TTC34: variants seen among roughly 807,000 people sequenced by gnomAD.
TTC34 encodes the protein tetratricopeptide repeat protein 34.
A neutral mutation model predicts 40.7 loss-of-function variants in TTC34; 44 were observed. The observed-to-expected ratio is 1.08, with a 90% CI of 0.85 to 1.39. The LOEUF (loss-of-function observed/expected upper bound fraction) is 1.39, where lower values mean the gene tolerates loss of function less well. Ranked by LOEUF, TTC34 falls within the 40% of genes most tolerant of loss-of-function variation. The probability of loss-of-function intolerance (pLI) is 0.00; values close to 1 mark genes in which losing one functional copy is unlikely to be tolerated. For synonymous variants in TTC34, 422 were observed against 398.6 expected (o/e 1.06, Z -0.70); for missense variants, 884 against 838.0 (o/e 1.05, Z -0.68).
chr1:2,785,973 G>A, exon 5 of TTC34: 1 of 1,508,714 alleles, frequency 6.6e-7, no homozygotes, highest in Non-Finnish European at 8.9e-7. Flanking sequence ...AGACGTCCAG[G>A]GTGGGCTGGA....
At position 2,645,343 on chromosome 1, in the gene TTC34, G is replaced by C; in HGVS notation, c.2447C>G (p.Ser816Ter). 2 of 1,526,724 alleles carry C rather than the reference G, an allele frequency of 1.3e-6. No individual in the cohort carries two copies. The highest frequency in any genetic ancestry group is 1.8e-6 in the Non-Finnish European group (2 of 1,140,684). The allele number at this position is 1,526,724 out of a possible 1,614,324, so 94.6% of individuals were successfully genotyped here. A position where few individuals can be genotyped will look rare whatever the true frequency, so the allele number is the denominator to read the frequency against. The change falls in exon 7 of 9, where the codon TCA becomes TGA. Residue 816 changes from serine to a stop codon, truncating the protein, a stop_gained. Coordinates refer to ENST00000401095, the Ensembl canonical transcript of TTC34. LOFTEE classifies it high-confidence loss of function. The surrounding 1 kb of genome is among the most constrained non-coding windows in gnomAD (Gnocchi z 4.7). ...GAGGAGGTGCCAGTGCGGTTGCCCT[G>C]AGTCGATTTTGATCAGCGCCTCCCC... is the stretch of plus-strand genomic sequence containing the variant.
In TTC34 at chr1:2,644,244, C is replaced by A; in HGVS notation, c.2712+20G>T. On this transcript the variant is annotated intron_variant, in intron 8 of 8. Coordinates refer to ENST00000401095, the Ensembl canonical transcript of TTC34. ...GCTGGGGAAGGTTGGGGTGGGAGAT[C>A]TGTGGGGTTCTTTGGGCACCTGGGC... is the stretch of plus-strand genomic sequence containing the variant. 2 of 1,526,664 alleles carry A rather than the reference C, an allele frequency of 1.3e-6. No homozygotes were observed. The highest frequency in any genetic ancestry group is 1.8e-6 in the Non-Finnish European group (2 of 1,140,470). The allele number at this position is 1,526,664 out of a possible 1,614,324, so 94.6% of individuals were successfully genotyped here.
intron 6 of TTC34, among the ~76,000 whole-genome samples, chr1:2,654,955 C>G (rs1639289030): frequency 3.3e-5 from 5 of 151,600 alleles, no homozygotes; most frequent in African/African-American, 1.2e-4. Context: ...ATCTGACAGC[C>G]TGGAACAGCA....
intron 4 of TTC34, among the ~76,000 whole-genome samples, chr1:2,786,493 G>T (rs748801623): frequency 1.3e-5 from 2 of 152,320 alleles, no homozygotes; most frequent in East Asian, 3.9e-4. Context: ...GCTCTGGGCT[G>T]CAGTCTGAGC....
In TTC34 at chr1:2,790,268, C is replaced by A. The variant is rs1643648537; in HGVS notation, c.863G>T (p.Trp288Leu). 3 of 398,336 alleles carry A rather than the reference C, an allele frequency of 7.5e-6. No individual in the cohort carries two copies. In the Admixed American group the frequency reaches 1.3e-4, roughly 18 times the overall value. 24.7% of individuals were successfully genotyped at this position (398,336 alleles called of 1,614,324 possible). A position where few individuals can be genotyped will look rare whatever the true frequency, so the allele number is the denominator to read the frequency against. Residue 288 changes from tryptophan (W) to leucine (L), a missense_variant, in exon 3 of 9, where the codon TGG (tryptophan) becomes TTG (leucine). By Grantham distance (61) the Trp-to-Leu change is moderately conservative (BLOSUM62 -2). Coordinates refer to ENST00000401095, the Ensembl canonical transcript of TTC34. The stretch of plus-strand genomic sequence containing the variant: ...CTCGCGGAAGGCCTCCTGCAGGTTC[C>A]AAAACACGTCCTGGGCCCGGCCGTC...
intron 6 of TTC34, among the ~76,000 whole-genome samples, chr1:2,651,787 C>T (rs780563824): frequency 3.9e-5 from 6 of 151,956 alleles, no homozygotes; most frequent in African/African-American, 9.7e-5. Context: ...ATCTGACAGC[C>T]GGAAAAACAC....
rs1325017659 is a variant in TTC34 at position 2,762,056 on chromosome 1, G to A, written c.2226+21553C>T. Among the ~76,000 whole-genome samples the A allele has an allele frequency of 3.0e-3, 175 of 58,344 alleles. 14 individuals carry two copies. The highest frequency in any genetic ancestry group is 1.4e-3 in the Non-Finnish European group (52 of 36,222). The allele number at this position is 58,344 out of a possible 152,430, so 38.3% of individuals were successfully genotyped here. ...GCCTGGAGCAGCGCCCACACCCCCG[G>A]GCGAGCATCTGACAGCCTGGAGCAG... On this transcript the variant is annotated intron_variant, in intron 6 of 8. Transcript: ENST00000401095.
chr1:2,653,652 C>CAGGTGAGCATCTGATAGCCTGGAA, intron 6 of TTC34, among the ~76,000 whole-genome samples: 1 of 130,718 alleles, frequency 7.7e-6, no homozygotes, highest in Non-Finnish European at 1.7e-5. Flanking sequence ...ATCCACACCC[C>CAGGTGAGCATCTGATAGCCTGGAA]CAGGCGAGCA....
At chr1:2,641,944 A>T in intron 8 of TTC34, 49 bp from the exon 9 acceptor site, 1 of 1,431,480 alleles carries the variant, frequency 7.0e-7, no homozygotes, top group South Asian at 1.5e-5. Flanking sequence ...TCAGCCCCAA[A>T]AGCCCGGCCG....
At chr1:2,643,719 G>T (rs1158508029) in intron 8 of TTC34, among the ~76,000 whole-genome samples, 2 of 152,192 alleles carry the variant, frequency 1.3e-5, no homozygotes, top group East Asian at 3.9e-4. Flanking sequence ...CCCCGACTCC[G>T]CCATGAGCTC....
chr1:2,656,340 A>T (rs1373658532), intron 6 of TTC34, among the ~76,000 whole-genome samples: 2 of 149,558 alleles, frequency 1.3e-5, no homozygotes. Flanking sequence ...TCACACCCCC[A>T]GGTGAGCATC....
intron 6 of TTC34, among the ~76,000 whole-genome samples, chr1:2,683,310 C>T (rs1165617212): frequency 6.9e-6 from 1 of 145,780 alleles, no homozygotes; most frequent in Non-Finnish European, 1.5e-5. Flanking sequence ...AGAATCCACA[C>T]CCCCAGGTGA....
intron 6 of TTC34, among the ~76,000 whole-genome samples, chr1:2,675,060 A>G (rs1478415028): frequency 1.6e-5 from 2 of 126,884 alleles, no homozygotes; most frequent in East Asian, 2.2e-4. Context: ...AGCATCGGAG[A>G]GTCAGGAGCA....
chr1:2,792,293 C>T (rs1039657179), intron 2 of TTC34, among the ~76,000 whole-genome samples: 1 of 152,020 alleles, frequency 6.6e-6, no homozygotes, highest in Non-Finnish European at 1.5e-5. Context: ...AGGAACCATG[C>T]CTAGCCTGGT....
chr1:2,687,317 AC>A (rs1471302485), intron 6 of TTC34, among the ~76,000 whole-genome samples: 2 of 46,658 alleles, frequency 4.3e-5, no homozygotes, highest in African/African-American at 1.4e-4. Context: ...GTGGAACAGC[AC>A]CCCAAACCCA....
At chr1:2,776,446 C>T (rs1348472140) in intron 6 of TTC34, 1 of 124,032 alleles carries the variant, frequency 8.1e-6, no homozygotes, top group African/African-American at 3.9e-5. Flanking sequence ...GACCACTGCC[C>T]CCAGGTGAGC....
chr1:2,754,705 G>T (rs1400594993), intron 6 of TTC34, among the ~76,000 whole-genome samples: 3 of 138,870 alleles, frequency 2.2e-5, no homozygotes, highest in Admixed American at 7.1e-5. Context: ...ACACCTCCAG[G>T]CGAGCATCCG....
At chr1:2,648,009 T>C (rs907143630) in intron 6 of TTC34, among the ~76,000 whole-genome samples, 1 of 152,172 alleles carries the variant, frequency 6.6e-6, no homozygotes, top group Non-Finnish European at 1.5e-5. Context: ...ATTACTGTTT[T>C]TTTTTTTTCA....
intron 6 of TTC34, chr1:2,774,998 C>A (rs558714782): frequency 8.2e-6 from 1 of 122,282 alleles, no homozygotes; most frequent in African/African-American, 3.1e-5. Flanking sequence ...CCCAGGTGAG[C>A]ATCTGACAGC....
Sources: gnomAD v4.1 joint callset for allele counts (sites outside exome capture counted in the v4.1 genomes callset) on GRCh38, gnomAD v4.1.1 for gene constraint, Gnocchi (gnomAD v3.1) non-coding constraint, MANE v1.5 for transcripts, NCBI Gene and HGNC (gene_info 2026-07-23, HGNC 2026-07-21) for gene names.